The following ARL3 variants were observed in gnomAD, a reference collection of about 807,000 sequenced individuals.
ARL3 encodes ADP-ribosylation factor-like protein 3.
Under a neutral mutation model 26.0 loss-of-function variants are expected in ARL3, and 9 were observed. That is an observed-to-expected ratio of 0.35 (90% CI 0.21 to 0.60). The LOEUF (loss-of-function observed/expected upper bound fraction) is 0.60. ARL3 is among the 20% of genes least tolerant of loss of function. The pLI, the probability that ARL3 is intolerant of heterozygous loss-of-function variation, is 0.78. For synonymous variants in ARL3, 71 were observed against 78.4 expected (o/e 0.91, Z 0.50); for missense variants, 158 against 215.7 (o/e 0.73, Z 1.67).
chr10:102,677,102 C>A lies in ARL3; in HGVS notation c.502-161G>T, dbSNP rs182800184. Among the ~76,000 whole-genome samples, 508 of 152,224 alleles carry A rather than the reference C, an allele frequency of 3.3e-3. 1 individual carries two copies. The highest frequency in any genetic ancestry group is 6.1e-3 in the Non-Finnish European group (417 of 67,990). On this transcript the variant is annotated intron_variant, in intron 5 of 5. Transcript: ENST00000260746. ...AGGGGCCCACCTGGGTGACCAGGGA[C>A]AGTGACCTCCCAGGAGGAGGAGGAG... is the stretch of plus-strand genomic sequence containing the variant.
At chr10:102,691,395 A>G (rs1015966713) in intron 3 of ARL3, among the ~76,000 whole-genome samples, 13 of 151,560 alleles carry the variant, frequency 8.6e-5, no homozygotes, top group Non-Finnish European at 1.2e-4. Context: ...TTCTTGCGAC[A>G]GTTTACTGAG....
intron 5 of ARL3, among the ~76,000 whole-genome samples, chr10:102,684,954 A>C (rs2064175105): frequency 6.7e-6 from 1 of 150,206 alleles, no homozygotes; most frequent in African/African-American, 2.4e-5. Flanking sequence ...TGATGTTTTA[A>C]AAAGCAGCCA....
At chr10:102,701,701 A>T (rs2064280270) in intron 2 of ARL3, among the ~76,000 whole-genome samples, 1 of 152,210 alleles carries the variant, frequency 6.6e-6, no homozygotes, top group African/African-American at 2.4e-5. Context: ...AATACAAGTA[A>T]CAGTGAATCT....
At chr10:102,689,453 C>G (rs1360313828) in intron 4 of ARL3, among the ~76,000 whole-genome samples, 3 of 152,168 alleles carry the variant, frequency 2.0e-5, no homozygotes, top group African/African-American at 7.2e-5. Flanking sequence ...AAAACAAAAA[C>G]CTCCCTCACT....
At chr10:102,687,750 C>T (rs747000429) in intron 4 of ARL3, among the ~76,000 whole-genome samples, 50 of 152,094 alleles carry the variant, frequency 3.3e-4, no homozygotes, top group Middle Eastern at 3.4e-3. Flanking sequence ...TGGTCTTGAA[C>T]TCCTGGGCTC....
intron 1 of ARL3, among the ~76,000 whole-genome samples, chr10:102,709,817 G>A (rs2064329148): frequency 6.6e-6 from 1 of 152,072 alleles, no homozygotes; most frequent in South Asian, 2.1e-4. Context: ...CGGATCATTT[G>A]AGGCCAGGAG....
intron 5 of ARL3, among the ~76,000 whole-genome samples, chr10:102,680,628 T>C (rs924906537): frequency 6.6e-6 from 1 of 152,244 alleles, no homozygotes; most frequent in African/African-American, 2.4e-5. Flanking sequence ...AAGAGTGGTC[T>C]CTGACTATGC....
Position 102,687,047 on chromosome 10 carries a change from T to C in ARL3, c.316-1046A>G, listed in dbSNP as rs1590121151. Among the ~76,000 whole-genome samples, 3 of 151,028 alleles carry C rather than the reference T, an allele frequency of 2.0e-5. No homozygotes were observed. In the South Asian group the frequency reaches 6.3e-4, roughly 32 times the overall value. On this transcript the variant is annotated intron_variant, in intron 4 of 5. Transcript: ENST00000260746. ...CCACCACCATGCCTCGCTAATTTTT[T>C]TTGTATTTTTAGTAGAGACGGGGTT...
intron 3 of ARL3, among the ~76,000 whole-genome samples, chr10:102,696,515 C>T (rs1216691324): frequency 6.6e-6 from 1 of 152,178 alleles, no homozygotes; most frequent in Non-Finnish European, 1.5e-5. Flanking sequence ...CCACCCGCCT[C>T]AGCCTCCCAA....
At chr10:102,677,040 C>T in intron 5 of ARL3, 99 bp from the exon 6 acceptor site, 1 of 1,348,778 alleles carries the variant, frequency 7.4e-7, no homozygotes, top group Non-Finnish European at 1.1e-6. Flanking sequence ...CAGGCCCTCC[C>T]TCCCAGACCG....
At chr10:102,702,417 AC>A (rs2064284830) in intron 2 of ARL3, among the ~76,000 whole-genome samples, 1 of 152,166 alleles carries the variant, frequency 6.6e-6, no homozygotes, top group Non-Finnish European at 1.5e-5. Context: ...AGCATTTATT[AC>A]TTTTTCTAAT....
Position 102,710,740 on chromosome 10 carries a change from C to G in ARL3, c.3+3533G>C, listed in dbSNP as rs545385138. On this transcript the variant is annotated intron_variant, in intron 1 of 5. Transcript: ENST00000260746. ...TGTGTGTTACCAGCATGTGTGTATA[C>G]AAGTTATCTACACCCTGGTGGGCAG... Among the ~76,000 whole-genome samples the G allele has an allele frequency of 3.3e-5, 5 of 152,154 alleles. No individual in the cohort carries two copies. In the South Asian group the frequency reaches 1.0e-3, roughly 32 times the overall value.
chr10:102,676,803 T>A lies in ARL3; in HGVS notation c.*91A>T. On this transcript the variant is annotated 3_prime_UTR_variant, in exon 6 of 6. Transcript: ENST00000260746. ...TCAAACAGCTGGAGCTGTACACAGA[T>A]GGAAAAACATTTGGTCAGAAAGCAG... 7.3e-7 allele frequency: 1 copy of A among 1,366,116 alleles called. No homozygotes were observed. The highest frequency in any genetic ancestry group is 1.2e-5 in the South Asian group (1 of 84,482). The allele number at this position is 1,366,116 out of a possible 1,614,324, so 84.6% of individuals were successfully genotyped here.
In ARL3 at chr10:102,705,417, C is replaced by T; in HGVS notation, c.76G>A (p.Asp26Asn). The T allele has an allele frequency of 6.2e-7, 1 of 1,612,218 alleles. No individual in the cohort carries two copies. The highest frequency in any genetic ancestry group is 1.1e-5 in the South Asian group (1 of 90,932). The change falls in exon 2 of 6, where the codon GAT becomes AAT. Residue 26 changes from aspartate to asparagine, a missense_variant. Asp to Asn is a conservative substitution (Grantham distance 23, BLOSUM62 1). Transcript: ENST00000260746. ...AGAAGAGTGGTCTTGCCAGCATTAT[C>T]CAAGCCCAGGAGAAGTATTCTCACC... ...QEVRILLLGL[D>N]NAGKTTLLKQ...
chr10:102,714,397 C>T lies in ARL3; in HGVS notation c.-122G>A. On this transcript the variant is annotated 5_prime_UTR_variant, in exon 1 of 6. Coordinates refer to ENST00000260746, the MANE Select transcript of ARL3 (RefSeq NM_004311.4). ...ACAGCTGAGGAGCTGAGCAGCAATA[C>T]GGGGCGGGGTGCAGCTCCGCTTTCC... 1 of 1,075,866 alleles carries T rather than the reference C, an allele frequency of 9.3e-7. No homozygotes were observed. Among genetic ancestry groups the T allele is most frequent in the Non-Finnish European group, 1.2e-6 (1 of 833,612 alleles). 66.6% of individuals were successfully genotyped at this position (1,075,866 alleles called of 1,614,324 possible).
chr10:102,683,038 TA>T (rs1465114370), intron 5 of ARL3, among the ~76,000 whole-genome samples: 53 of 152,362 alleles, frequency 3.5e-4, no homozygotes, highest in African/African-American at 1.2e-3. Context: ...AGTTTTAGAA[TA>T]TTTTTAGCCC....
chr10:102,678,791 G>A (rs2064142114), intron 5 of ARL3, among the ~76,000 whole-genome samples: 1 of 152,258 alleles, frequency 6.6e-6, no homozygotes, highest in South Asian at 2.1e-4. Context: ...GGTGGAGGGT[G>A]TGGGGTGGTT....
chr10:102,680,961 T>C (rs754221708), intron 5 of ARL3, among the ~76,000 whole-genome samples: 26 of 152,168 alleles, frequency 1.7e-4, no homozygotes, highest in Non-Finnish European at 2.9e-4. Context: ...CTGAGACTGC[T>C]TTCTTAGTCT....
chr10:102,688,289 C>A (rs1007315182), intron 4 of ARL3, among the ~76,000 whole-genome samples: 6 of 152,044 alleles, frequency 3.9e-5, no homozygotes, highest in Non-Finnish European at 8.8e-5. Flanking sequence ...TACATAGGAC[C>A]CCCTCCACCT....
Sources: allele counts gnomAD v4.1 joint callset (sites outside exome capture counted in the v4.1 genomes callset), GRCh38; gene constraint gnomAD v4.1.1; transcripts MANE v1.5; gene names NCBI Gene and HGNC (gene_info 2026-07-23, HGNC 2026-07-21).